Variants in HIVEP2 observed in about 807,000 individuals in gnomAD.
HIVEP2 encodes HIVEP zinc finger 2.
Under a neutral mutation model 180.7 loss-of-function variants are expected in HIVEP2, and 14 were observed. The observed-to-expected ratio is 0.08, with a 90% CI of 0.05 to 0.12. HIVEP2 has a LOEUF of 0.12. Among genes scored for constraint, HIVEP2 ranks in the 10% least tolerant of loss-of-function variants. HIVEP2 has a pLI of 1.00. For missense variants in HIVEP2, 2,579 were observed against 3,008.5 expected, an observed-to-expected ratio of 0.86 and a Z score of 3.34; for synonymous variants, 1,184 against 1,136.4, an observed-to-expected ratio of 1.04 and a Z score of -0.84.
Position 142,751,581 on chromosome 6 carries a change from C to T in HIVEP2, c.*1526G>A, listed in dbSNP as rs950805031. ...TCCACTATATAGCACAAAGATAACC[C>T]AGATTGTATGTGTGCGTGCACACAT... On this transcript the variant is annotated 3_prime_UTR_variant, in exon 10 of 10. Coordinates refer to ENST00000367603, the MANE Select transcript of HIVEP2 (RefSeq NM_006734.4). The T allele has an allele frequency of 2.6e-5, 4 of 152,646 alleles. No individual in the cohort carries two copies. The highest frequency in any genetic ancestry group is 9.7e-5 in the African/African-American group (4 of 41,446). 9.5% of individuals were successfully genotyped at this position (152,646 alleles called of 1,614,324 possible). A position where few individuals can be genotyped will look rare whatever the true frequency, so the allele number is the denominator to read the frequency against.
chr6:142,883,665 T>C lies in HIVEP2; in HGVS notation c.-640-46618A>G, dbSNP rs574575336. On this transcript the variant is annotated intron_variant, in intron 1 of 9. Coordinates refer to ENST00000367603, the MANE Select transcript of HIVEP2 (RefSeq NM_006734.4). ...AACCCTCAAATGAAACTTTTTCATA[T>C]AGTGTGATGCTTATGAAAGTAAAGC... Among the ~76,000 whole-genome samples the C allele has an allele frequency of 2.6e-5, 4 of 152,256 alleles. No individual in the cohort carries two copies. The South Asian group carries it at 8.3e-4, about 32-fold the overall frequency.
chr6:142,809,924 T>C (rs555815471), intron 2 of HIVEP2, among the ~76,000 whole-genome samples: 13 of 152,212 alleles, frequency 8.5e-5, no homozygotes, highest in African/African-American at 2.9e-4. Flanking sequence ...ATCTACCAGG[T>C]ACAATCATCA....
At chr6:142,829,807 A>T (rs1440127465) in intron 2 of HIVEP2, among the ~76,000 whole-genome samples, 1 of 152,196 alleles carries the variant, frequency 6.6e-6, no homozygotes, top group African/African-American at 2.4e-5. Flanking sequence ...CAAAATTTCC[A>T]CTTAAGGATG....
At chr6:142,859,747 T>A (rs1379374398) in intron 1 of HIVEP2, among the ~76,000 whole-genome samples, 1 of 135,522 alleles carries the variant, frequency 7.4e-6, no homozygotes, top group Non-Finnish European at 1.5e-5. Context: ...GGCAAGAGAA[T>A]CACTTGAACC....
At chr6:142,889,593 T>C (rs903004906) in intron 1 of HIVEP2, among the ~76,000 whole-genome samples, 1 of 152,168 alleles carries the variant, frequency 6.6e-6, no homozygotes, top group Non-Finnish European at 1.5e-5. Flanking sequence ...TATCAAATCT[T>C]AGGCAATTAC....
chr6:142,880,652 G>A (rs1395206175), intron 1 of HIVEP2, among the ~76,000 whole-genome samples: 2 of 152,128 alleles, frequency 1.3e-5, no homozygotes, highest in Non-Finnish European at 2.9e-5. Flanking sequence ...GGGGAAAGCT[G>A]CCCTACACCT....
At chr6:142,840,207 C>G (rs1178723159) in intron 1 of HIVEP2, among the ~76,000 whole-genome samples, 1 of 152,118 alleles carries the variant, frequency 6.6e-6, no homozygotes, top group Non-Finnish European at 1.5e-5. Context: ...GTTATACGCC[C>G]AAGACATCTT....
chr6:142,890,936 C>T (rs1776843974), intron 1 of HIVEP2, among the ~76,000 whole-genome samples: 1 of 152,126 alleles, frequency 6.6e-6, no homozygotes, highest in African/African-American at 2.4e-5. Context: ...TAATATTAGT[C>T]ATTACCGGTG....
At chr6:142,909,279 T>A (rs1777342701) in intron 1 of HIVEP2, among the ~76,000 whole-genome samples, 1 of 152,228 alleles carries the variant, frequency 6.6e-6, no homozygotes, top group Non-Finnish European at 1.5e-5. Flanking sequence ...CACAGATTTC[T>A]ACTATCTATA....
At chr6:142,820,347 C>G (rs1180062580) in intron 2 of HIVEP2, among the ~76,000 whole-genome samples, 2 of 150,842 alleles carry the variant, frequency 1.3e-5, no homozygotes, top group Non-Finnish European at 3.0e-5. Flanking sequence ...TCCCCTCCCT[C>G]TCTTCCAGTT....
intron 2 of HIVEP2, among the ~76,000 whole-genome samples, chr6:142,789,436 C>T (rs1381264826): frequency 6.6e-6 from 1 of 152,170 alleles, no homozygotes; most frequent in Non-Finnish European, 1.5e-5. Flanking sequence ...ATCTGACTAA[C>T]TTGATTTTAG....
At chr6:142,853,550 T>C (rs1221472462) in intron 1 of HIVEP2, among the ~76,000 whole-genome samples, 1 of 152,232 alleles carries the variant, frequency 6.6e-6, no homozygotes, top group African/African-American at 2.4e-5. Flanking sequence ...TGATTTAGAA[T>C]TCGCCTAAGG....
rs758768364 is a variant in HIVEP2, at chr6:142,768,429, A to C, written c.5295T>G (p.Ile1765Met). The C allele has an allele frequency of 1.2e-6, 2 of 1,613,034 alleles. No individual in the cohort carries two copies. ...GKGDIHGDKD[I>M]GSKQTEPIRI... is the part of the protein sequence containing the mutation. ...GGATTGGCTCAGTTTGTTTGGATCCAATATCTTTATCTCCATGAATATCTC... is the reference window on the plus strand; with the variant it reads ...GGATTGGCTCAGTTTGTTTGGATCCCATATCTTTATCTCCATGAATATCTC... Residue 1765 changes from isoleucine to methionine, a missense_variant, in exon 6 of 10, where the codon ATT becomes ATG. Around this residue, in one of 11 missense-constraint regions of HIVEP2, gnomAD observed 349 missense variants for 367.2 expected, o/e 0.95. Transcript: ENST00000367603.
chr6:142,849,842 T>A lies in HIVEP2; in HGVS notation c.-640-12795A>T, dbSNP rs541690698. Among the ~76,000 whole-genome samples the A allele has an allele frequency of 1.5e-3, 231 of 152,004 alleles. 2 individuals are homozygous for A. Among genetic ancestry groups the A allele is most frequent in the Admixed American group, 2.8e-3 (42 of 15,256 alleles). ...CCTAGAGTGGGTTTCTGTAAAACAG[T>A]CTGAAAAGCTACAGAGAGTGGCTTA... On this transcript the variant is annotated intron_variant, in intron 1 of 9. Transcript: ENST00000367603.
chr6:142,760,484 C>T lies in HIVEP2; in HGVS notation c.5804G>A (p.Ser1935Asn). ...GAATCTAGGAGGCTGAGGACTGGTGCTTCTTGATCTTGTTTTTGGTGTTAA... is the reference window on the plus strand; with the variant it reads ...GAATCTAGGAGGCTGAGGACTGGTGTTTCTTGATCTTGTTTTTGGTGTTAA... ...GDLTPKTRSR[S>N]TSPQPPRFSS... is the part of the protein sequence containing the mutation. Residue 1935 changes from serine to asparagine, a missense_variant, in exon 9 of 10, where the codon AGC becomes AAC. Physicochemically the swap from Ser to Asn is conservative, Grantham distance 46. Coordinates refer to ENST00000367603, the MANE Select transcript of HIVEP2 (RefSeq NM_006734.4). 1 of 1,614,122 alleles carries T rather than the reference C, an allele frequency of 6.2e-7. No individual in the cohort carries two copies. The highest frequency in any genetic ancestry group is 1.1e-5 in the South Asian group (1 of 91,084).
chr6:142,794,223 A>G (rs1776229028), intron 2 of HIVEP2: 1 of 152,078 alleles, frequency 6.6e-6, no homozygotes, highest in Admixed American at 6.6e-5. Context: ...TTCAAGTACT[A>G]TTTCTACTTT....
At chr6:142,883,242 A>G (rs1776617706) in intron 1 of HIVEP2, among the ~76,000 whole-genome samples, 1 of 152,088 alleles carries the variant, frequency 6.6e-6, no homozygotes, top group Admixed American at 6.6e-5. Context: ...ATATGTAGTT[A>G]CAAAAATACC....
intron 1 of HIVEP2, among the ~76,000 whole-genome samples, chr6:142,913,961 T>G (rs1183023352): frequency 6.6e-6 from 1 of 151,790 alleles, no homozygotes; most frequent in Non-Finnish European, 1.5e-5. Context: ...ACCGCAAAAC[T>G]CAGTCAGGTT....
intron 1 of HIVEP2, among the ~76,000 whole-genome samples, chr6:142,887,255 G>C (rs1776722015): frequency 6.6e-6 from 1 of 151,462 alleles, no homozygotes; most frequent in Non-Finnish European, 1.5e-5. Context: ...GAAAAACTTT[G>C]AGAAACAGAA....
Sources: allele counts gnomAD v4.1 joint callset (sites outside exome capture counted in the v4.1 genomes callset), GRCh38; gene constraint gnomAD v4.1.1; regional missense constraint gnomAD v4.1.1; transcripts MANE v1.5; gene names NCBI Gene and HGNC (gene_info 2026-07-23, HGNC 2026-07-21).